ZBTB45: variants seen among roughly 807,000 people sequenced by gnomAD.
The protein encoded by ZBTB45 is zinc finger and BTB domain containing 45, also known as zinc finger and BTB domain-containing protein 45.
In ZBTB45, 22 loss-of-function variants were observed where a neutral mutation model predicts 28.4. The observed-to-expected ratio is 0.77, with a 90% confidence interval of 0.55 to 1.10. The LOEUF (loss-of-function observed/expected upper bound fraction) is 1.10, where lower values mean the gene tolerates loss of function less well. Ranked by LOEUF, ZBTB45 falls within the 50% of genes least tolerant of loss-of-function variation. ZBTB45 has a pLI of 0.00. For missense variants in ZBTB45, 656 were observed against 750.2 expected (o/e 0.87, Z 1.47); for synonymous variants, 361 against 332.3 (o/e 1.09, Z -0.94).
rs919849305 is a variant in ZBTB45 at position 58,515,115 on chromosome 19, A to G, written c.1280-805T>C. On this transcript the variant is annotated intron_variant, in intron 2 of 2. Transcript: ENST00000594051. This position sits in a 1 kb window ranked among gnomAD's most constrained non-coding sequence, Gnocchi z 4.7. ...CAAGGCAGGCAGATCGCTTGAGGCC[A>G]GGAGTTCGAGACCAACGTGGTGAAA... Among the ~76,000 whole-genome samples the G allele has an allele frequency of 6.6e-5, 10 of 152,140 alleles. No homozygotes were observed. The highest frequency in any genetic ancestry group is 1.5e-4 in the Non-Finnish European group (10 of 68,014).
At chr19:58,528,349 G>A (rs1180735626) in intron 1 of ZBTB45, among the ~76,000 whole-genome samples, 4 of 152,168 alleles carry the variant, frequency 2.6e-5, no homozygotes, top group African/African-American at 7.2e-5. Context: ...GTGCGCTCTC[G>A]GGGTTCAAAC....
intron 1 of ZBTB45, among the ~76,000 whole-genome samples, chr19:58,537,317 C>T (rs1452557013): frequency 1.3e-5 from 2 of 152,162 alleles, no homozygotes; most frequent in African/African-American, 2.4e-5. Flanking sequence ...GTAACACCTG[C>T]TGCTTGTGTG....
upstream of ZBTB45, chr19:58,519,977 G>A (rs938605817): frequency 2.0e-5 from 3 of 152,222 alleles, no homozygotes; most frequent in African/African-American, 7.2e-5. Context: ...GGGCTGCCGC[G>A]TCGCGAGGAA....
At chr19:58,522,110 G>A (rs994957987), upstream of ZBTB45, among the ~76,000 whole-genome samples, 1 of 151,474 alleles carries the variant, frequency 6.6e-6, no homozygotes, top group Middle Eastern at 3.5e-3. Context: ...ATCACCTGAT[G>A]TCAGGAGTTT....
rs1272659281 is a variant in ZBTB45 at position 58,516,472 on chromosome 19, G to C, written c.1202C>G (p.Pro401Arg). ...GCGACAGTGGCTGCACTCATACGTA[G>C]GTGGCTCAGCACCTGGGGTGCGAGC... Reference protein sequence around the residue: ...TPARTPGAEPPTYECSHCRKT... With the variant: ...TPARTPGAEPRTYECSHCRKT... Residue 401 changes from proline (P) to arginine (R), a missense_variant, in exon 2 of 3, where the codon CCT becomes CGT. Around this residue, in one of 3 missense-constraint regions of ZBTB45, gnomAD observed 448 missense variants for 444.3 expected, o/e 1.01. Transcript: ENST00000594051. This position sits in a 1 kb window ranked among gnomAD's most constrained non-coding sequence, Gnocchi z 6.2. The C allele has an allele frequency of 2.5e-6, 4 of 1,613,948 alleles. No homozygotes were observed. Among genetic ancestry groups the C allele is most frequent in the African/African-American group, 1.3e-5 (1 of 75,036 alleles).
Position 58,516,859 on chromosome 19 carries a change from A to C in ZBTB45, c.815T>G (p.Phe272Cys). ...CTCAGCTGACCCAGCTCCCCGAAGA[A>C]AATCTCTCCCGGCACCACTGTAGTC... is the stretch of plus-strand genomic sequence containing the variant. ...LADYSGAGRD[F>C]LRGAGSAEDV... Residue 272 changes from phenylalanine to cysteine, a missense_variant, in exon 2 of 3, where the codon TTT (phenylalanine) becomes TGT (cysteine). Physicochemically the swap from Phe to Cys is radical, Grantham distance 205. Around this residue, in one of 3 missense-constraint regions of ZBTB45, gnomAD observed 448 missense variants for 444.3 expected, o/e 1.01. Coordinates refer to ENST00000594051, the MANE Select transcript of ZBTB45 (RefSeq NM_001316979.2). This position sits in a 1 kb window ranked among gnomAD's most constrained non-coding sequence, Gnocchi z 6.2. 6.2e-7 allele frequency: 1 copy of C among 1,613,468 alleles called. No homozygotes were observed. Among genetic ancestry groups the C allele is most frequent in the Non-Finnish European group, 8.5e-7 (1 of 1,180,004 alleles).
At chr19:58,531,962 G>A (rs1412185121) in intron 1 of ZBTB45, among the ~76,000 whole-genome samples, 2 of 152,070 alleles carry the variant, frequency 1.3e-5, no homozygotes, top group Non-Finnish European at 2.9e-5. Flanking sequence ...ATTTTCCCCA[G>A]GAGCCCTGGT....
chr19:58,527,828 G>A (rs1466297855), intron 1 of ZBTB45, among the ~76,000 whole-genome samples: 2 of 152,168 alleles, frequency 1.3e-5, no homozygotes, highest in Non-Finnish European at 2.9e-5. Flanking sequence ...AAGATATTGG[G>A]CCATGGCTCA....
chr19:58,515,677 G>A lies in ZBTB45; in HGVS notation c.1279+718C>T. ...TTCCAGCCAAATTTTTGCTTTTTCT[G>A]ACAATGCTCAGCAGGCTTCTGCTTT... On this transcript the variant is annotated intron_variant, in intron 2 of 2. Coordinates refer to ENST00000594051, the MANE Select transcript of ZBTB45 (RefSeq NM_001316979.2). The surrounding 1 kb of genome is among the most constrained non-coding windows in gnomAD (Gnocchi z 4.7). Among the ~76,000 whole-genome samples, 1 of 152,086 alleles carries A rather than the reference G, an allele frequency of 6.6e-6. No individual in the cohort carries two copies. The highest frequency in any genetic ancestry group is 6.5e-5 in the Admixed American group (1 of 15,272).
upstream of ZBTB45, among the ~76,000 whole-genome samples, chr19:58,521,366 C>CAAAAA (rs1180915172): frequency 3.2e-5 from 3 of 93,628 alleles, no homozygotes; most frequent in Non-Finnish European, 6.3e-5. Flanking sequence ...CACTCAGTCT[C>CAAAAA]AAAAAAAAAA....
In ZBTB45 at chr19:58,517,536, G is replaced by A; in HGVS notation, c.138C>T (p.Ala46=). Residue 46 remains alanine, a synonymous_variant, in exon 2 of 3, where the codon GCC becomes GCT. Coordinates refer to ENST00000594051, the MANE Select transcript of ZBTB45 (RefSeq NM_001316979.2). ...AGCCGGCCGCCAGCACGCAGCGGTG[G>A]GCACGCAGCGAAGCTTCACGAATGC... The part of the protein sequence containing the change: ...TVRIREASLR[A]HRCVLAAGSP... 1 of 1,613,594 alleles carries A rather than the reference G, an allele frequency of 6.2e-7. No individual in the cohort carries two copies. The highest frequency in any genetic ancestry group is 8.5e-7 in the Non-Finnish European group (1 of 1,179,966).
At position 58,516,675 on chromosome 19, in the gene ZBTB45, G is replaced by C; in HGVS notation, c.999C>G (p.Pro333=). The change falls in exon 2 of 3, where the codon CCC becomes CCG. Residue 333 remains proline, a synonymous_variant. Coordinates refer to ENST00000594051, the MANE Select transcript of ZBTB45 (RefSeq NM_001316979.2). The surrounding 1 kb of genome is among the most constrained non-coding windows in gnomAD (Gnocchi z 6.2). The part of the protein sequence containing the change: ...KTPGPPVALF[P]FHLGAPGPPA... ...GTGGCCCAGGGGCACCCAAGTGAAA[G>C]GGGAAGAGTGCAACGGGCGGCCCTG... is the stretch of plus-strand genomic sequence containing the variant. 1 of 1,570,268 alleles carries C rather than the reference G, an allele frequency of 6.4e-7. No homozygotes were observed. Among genetic ancestry groups the C allele is most frequent in the Non-Finnish European group, 8.6e-7 (1 of 1,156,806 alleles).
In ZBTB45 at chr19:58,516,408, C is replaced by T; in HGVS notation, c.1266G>A (p.Met422Ile). ...GCCCTGGCTCACCCGAGTGGATGAA[C>T]ATGTGCTTGGTGTAGTTTTTCCGGG... ...FSSRKNYTKH[M>I]FIHSGEKPHQ... is the part of the protein sequence containing the mutation. The change falls in exon 2 of 3, where the codon ATG (methionine) becomes ATA (isoleucine). Residue 422 changes from methionine to isoleucine, a missense_variant. Physicochemically the swap from Met to Ile is conservative, Grantham distance 10. Transcript: ENST00000594051. The surrounding 1 kb of genome is among the most constrained non-coding windows in gnomAD (Gnocchi z 6.2). 1 of 1,614,012 alleles carries T rather than the reference C, an allele frequency of 6.2e-7. No homozygotes were observed. Among genetic ancestry groups the T allele is most frequent in the Non-Finnish European group, 8.5e-7 (1 of 1,179,890 alleles).
chr19:58,538,509 C>T (rs1486123978), intron 1 of ZBTB45, among the ~76,000 whole-genome samples: 1 of 152,106 alleles, frequency 6.6e-6, no homozygotes, highest in Non-Finnish European at 1.5e-5. Context: ...TGGGGGGCCG[C>T]GCGCCCGGGC....
chr19:58,533,585 G>A (rs2053645123), intron 1 of ZBTB45, among the ~76,000 whole-genome samples: 1 of 152,032 alleles, frequency 6.6e-6, no homozygotes, highest in African/African-American at 2.4e-5. Context: ...CATGTTTGTG[G>A]TAATATGCTA....
chr19:58,518,481 C>G (rs2053543969), intron 1 of ZBTB45, among the ~76,000 whole-genome samples: 1 of 152,228 alleles, frequency 6.6e-6, no homozygotes, highest in Non-Finnish European at 1.5e-5. Context: ...TTCTTGCCAT[C>G]TCGATGGGGC....
chr19:58,535,365 T>C (rs907866974), intron 1 of ZBTB45, among the ~76,000 whole-genome samples: 1 of 151,730 alleles, frequency 6.6e-6, no homozygotes, highest in African/African-American at 2.4e-5. Flanking sequence ...CCAGGCACAG[T>C]GGCTCACACT....
In ZBTB45 at chr19:58,515,768, C is replaced by A. The variant is rs1395776921; in HGVS notation, c.1279+627G>T. Among the ~76,000 whole-genome samples the A allele has an allele frequency of 2.6e-5, 4 of 152,196 alleles. No homozygotes were observed. Among genetic ancestry groups the A allele is most frequent in the African/African-American group, 9.7e-5 (4 of 41,436 alleles). ...CCTCACCACATTCCCCAGTACCACCCTCCCACTCTTTACCTCTCCTGCAGC... is the reference window on the plus strand; with the variant it reads ...CCTCACCACATTCCCCAGTACCACCATCCCACTCTTTACCTCTCCTGCAGC... On this transcript the variant is annotated intron_variant, in intron 2 of 2. Coordinates refer to ENST00000594051, the MANE Select transcript of ZBTB45 (RefSeq NM_001316979.2). This position sits in a 1 kb window ranked among gnomAD's most constrained non-coding sequence, Gnocchi z 4.7.
chr19:58,516,851 C>G lies in ZBTB45; in HGVS notation c.823G>C (p.Gly275Arg). The G allele has an allele frequency of 6.2e-7, 1 of 1,613,572 alleles. No homozygotes were observed. Among genetic ancestry groups the G allele is most frequent in the Non-Finnish European group, 8.5e-7 (1 of 1,180,018 alleles). ...YSGAGRDFLR[G>R]AGSAEDVFPD... ...AATACGTCCTCAGCTGACCCAGCTC[C>G]CCGAAGAAAATCTCTCCCGGCACCA... Residue 275 changes from glycine (G) to arginine (R), a missense_variant, in exon 2 of 3, where the codon GGA becomes CGA. Gly to Arg is a moderately radical substitution (Grantham distance 125). Coordinates refer to ENST00000594051, the MANE Select transcript of ZBTB45 (RefSeq NM_001316979.2). The surrounding 1 kb of genome is among the most constrained non-coding windows in gnomAD (Gnocchi z 6.2).
Sources: gnomAD v4.1 joint callset for allele counts (sites outside exome capture counted in the v4.1 genomes callset) on GRCh38, gnomAD v4.1.1 for gene constraint, gnomAD v4.1.1 regional missense constraint, Gnocchi (gnomAD v3.1) non-coding constraint, MANE v1.5 for transcripts, NCBI Gene and HGNC (gene_info 2026-07-23, HGNC 2026-07-21) for gene names.